The following DIPK2B variants were observed in gnomAD, a reference collection of about 807,000 sequenced individuals.
DIPK2B encodes the protein divergent protein kinase domain 2B.
In DIPK2B, 15 loss-of-function variants were observed where a neutral mutation model predicts 22.2. The observed-to-expected ratio is 0.68, with a 90% CI of 0.45 to 1.04. The LOEUF (loss-of-function observed/expected upper bound fraction) is 1.04. Among genes scored for constraint, DIPK2B ranks in the 50% least tolerant of loss-of-function variants. DIPK2B has a pLI of 0.00. For synonymous variants in DIPK2B, 163 were observed against 153.2 expected (o/e 1.06, Z -0.47); for missense variants, 345 against 348.3 (o/e 0.99, Z 0.08).
At chrX:45,156,681 C>A (rs2046997504) in intron 3 of DIPK2B, among the ~76,000 whole-genome samples, 1 of 111,260 alleles carries the variant, frequency 9.0e-6, no homozygotes, top group Non-Finnish European at 1.9e-5. Flanking sequence ...TGAATCTCAT[C>A]TGGAAAAGGG....
chrX:45,169,266 C>T (rs1391981050), intron 2 of DIPK2B, among the ~76,000 whole-genome samples: 2 of 111,824 alleles, frequency 1.8e-5, no homozygotes, highest in African/African-American at 6.5e-5. Context: ...CATGGGAAGG[C>T]TCTAGAAGCA....
In DIPK2B at chrX:45,153,919, T is replaced by C; in HGVS notation, c.952A>G (p.Lys318Glu). Residue 318 changes from lysine to glutamate, a missense_variant, in exon 4 of 5, where the codon AAG (lysine) becomes GAG (glutamate). Coordinates refer to ENST00000398000, the MANE Select transcript of DIPK2B (RefSeq NM_176819.4). ...GGCCCATGCTGAGTACCTTCCTGCT[T>C]GTCGATGACGCCCACTGCACTGGCA... ...RDASAVGVID[K>E]QEGSQEANRA... 1 of 1,209,133 alleles carries C rather than the reference T, an allele frequency of 8.3e-7. No homozygotes were observed. The highest frequency in any genetic ancestry group is 1.8e-5 in the South Asian group (1 of 56,711).
At chrX:45,194,693 T>G (rs2047229776) in intron 1 of DIPK2B, among the ~76,000 whole-genome samples, 1 of 112,208 alleles carries the variant, frequency 8.9e-6, no homozygotes, top group African/African-American at 3.2e-5. Context: ...ATTTTGTCCC[T>G]TCCCCATCTT....
At chrX:45,197,242 C>CT (rs374897987) in intron 1 of DIPK2B, among the ~76,000 whole-genome samples, 1,226 of 99,937 alleles carry the variant, frequency 0.012, 21 homozygotes, top group African/African-American at 0.037. Flanking sequence ...ATGGTAATCA[C>CT]TTTTTTTTTT....
chrX:45,153,008 A>G (rs2046969593), intron 4 of DIPK2B, among the ~76,000 whole-genome samples: 1 of 112,316 alleles, frequency 8.9e-6, no homozygotes, highest in Non-Finnish European at 1.9e-5. Context: ...ATATGTATTC[A>G]ATGAGTTGTA....
At chrX:45,191,715 C>T (rs1401576058) in intron 2 of DIPK2B, 36 bp downstream of exon 2, 1 of 1,177,380 alleles carries the variant, frequency 8.5e-7, no homozygotes, top group South Asian at 1.9e-5. Context: ...TCTCATCATC[C>T]CCTTCACACC....
At chrX:45,166,897 C>T (rs2047051873) in intron 2 of DIPK2B, among the ~76,000 whole-genome samples, 2 of 111,974 alleles carry the variant, frequency 1.8e-5, no homozygotes, top group Non-Finnish European at 3.8e-5. Context: ...TTTGAGTGGA[C>T]TTATTGTTCT....
chrX:45,180,538 AAAAG>A (rs1019227251), intron 2 of DIPK2B, among the ~76,000 whole-genome samples: 5 of 112,485 alleles, frequency 4.4e-5, no homozygotes, highest in Non-Finnish European at 7.5e-5. Flanking sequence ...ACGTGAGAAA[AAAAG>A]AAAACTACAA....
In DIPK2B at chrX:45,200,610, A is replaced by G. The variant is rs1470692409; in HGVS notation, c.217T>C (p.Phe73Leu). Reference protein sequence around the residue: ...CIGTSICKKFFKEEIRSDNWL... With the variant: ...CIGTSICKKFLKEEIRSDNWL... The stretch of plus-strand genomic sequence containing the variant: ...TATTCTGACCTTATTTCTTCTTTAA[A>G]GAACTTCTTGCAAATAGATGTCCCG... Residue 73 changes from phenylalanine (F) to leucine (L), a missense_variant, in exon 1 of 5, where the codon TTT becomes CTT. Physicochemically the swap from Phe to Leu is conservative, Grantham distance 22. Transcript: ENST00000398000. The G allele has an allele frequency of 3.3e-6, 4 of 1,209,992 alleles. No individual in the cohort carries two copies. The highest frequency in any genetic ancestry group is 4.5e-6 in the Non-Finnish European group (4 of 894,370).
In DIPK2B at chrX:45,151,292, A is replaced by T; in HGVS notation, c.*360T>A. 5.9e-6 allele frequency: 1 copy of T among 169,403 alleles called. No individual in the cohort carries two copies. Among genetic ancestry groups the T allele is most frequent in the Admixed American group, 7.4e-5 (1 of 13,436 alleles). The allele number at this position is 169,403 out of a possible 1,213,427, so 14.0% of individuals were successfully genotyped here. A position where few individuals can be genotyped will look rare whatever the true frequency, so the allele number is the denominator to read the frequency against. On this transcript the variant is annotated 3_prime_UTR_variant, in exon 5 of 5. Transcript: ENST00000398000. ...CACACTTTGTAACCACCTGGGATGGAGGTGGTGAGCATGTGTCCCAAGACC... is the reference window on the plus strand; with the variant it reads ...CACACTTTGTAACCACCTGGGATGGTGGTGGTGAGCATGTGTCCCAAGACC...
chrX:45,155,429 A>ATATAT (rs1250757945), intron 3 of DIPK2B, among the ~76,000 whole-genome samples: 13 of 84,973 alleles, frequency 1.5e-4, no homozygotes, highest in South Asian at 7.1e-4. Context: ...TCTCAAAAAA[A>ATATAT]AAATATATAT....
chrX:45,186,254 C>T (rs2047183193), intron 2 of DIPK2B, among the ~76,000 whole-genome samples: 1 of 111,537 alleles, frequency 9.0e-6, no homozygotes, highest in South Asian at 3.7e-4. Flanking sequence ...CTTATCTATT[C>T]CATAATGTCT....
chrX:45,187,630 G>A (rs182702415), intron 2 of DIPK2B, among the ~76,000 whole-genome samples: 1 of 111,565 alleles, frequency 9.0e-6, no homozygotes, highest in Admixed American at 9.5e-5. Context: ...ATTTGGCCCT[G>A]CAGGAGGGGA....
At chrX:45,156,452 T>C (rs1318838737) in intron 3 of DIPK2B, among the ~76,000 whole-genome samples, 1 of 111,936 alleles carries the variant, frequency 8.9e-6, no homozygotes, top group Non-Finnish European at 1.9e-5. Context: ...GGCCTAAAAG[T>C]AGCCAAGGTC....
At chrX:45,171,848 T>C (rs919372153) in intron 2 of DIPK2B, among the ~76,000 whole-genome samples, 2 of 112,716 alleles carry the variant, frequency 1.8e-5, no homozygotes, top group Non-Finnish European at 3.7e-5. Flanking sequence ...TTGGTAATCA[T>C]ACCTCTGCCT....
intron 2 of DIPK2B, among the ~76,000 whole-genome samples, chrX:45,167,495 C>CAAAAAAAAAA (rs1156692662): frequency 4.1e-5 from 1 of 24,691 alleles, no homozygotes; most frequent in Non-Finnish European, 7.2e-5. Context: ...AAGACTGTCT[C>CAAAAAAAAAA]AAAAAAAAAA....
chrX:45,191,463 A>T, intron 2 of DIPK2B: 1 of 325,981 alleles, frequency 3.1e-6, no homozygotes, highest in East Asian at 5.1e-5. Context: ...GGCAAGGGTC[A>T]TCCTGTCAGA....
intron 3 of DIPK2B, among the ~76,000 whole-genome samples, chrX:45,155,068 A>T (rs1219344435): frequency 2.7e-5 from 3 of 112,633 alleles, no homozygotes; most frequent in African/African-American, 9.7e-5. Context: ...CAGGTGGATC[A>T]CTTGAGGACA....
intron 2 of DIPK2B, among the ~76,000 whole-genome samples, chrX:45,176,815 C>G (rs1364655194): frequency 1.8e-5 from 2 of 111,668 alleles, no homozygotes; most frequent in Non-Finnish European, 3.8e-5. Context: ...ATCTCCTGCC[C>G]TTGGTCAAAA....
Sources: gnomAD v4.1 joint callset for allele counts (sites outside exome capture counted in the v4.1 genomes callset) on GRCh38, gnomAD v4.1.1 for gene constraint, MANE v1.5 for transcripts, NCBI Gene and HGNC (gene_info 2026-07-23, HGNC 2026-07-21) for gene names.